Variants in OSBPL1A observed in about 807,000 individuals in gnomAD.
OSBPL1A encodes oxysterol binding protein like 1A.
Under a neutral mutation model 137.1 loss-of-function variants are expected in OSBPL1A, and 80 were observed. That is an observed-to-expected ratio of 0.58 (90% CI 0.49 to 0.70). The LOEUF (loss-of-function observed/expected upper bound fraction) is 0.70. OSBPL1A is among the 30% of genes least tolerant of loss of function. The pLI is 0.00. For missense variants in OSBPL1A, 970 were observed against 1,129.4 expected (o/e 0.86, Z 2.02); for synonymous variants, 365 against 389.7 (o/e 0.94, Z 0.75).
intron 15 of OSBPL1A, among the ~76,000 whole-genome samples, chr18:24,244,788 C>A (rs528428112): frequency 1.3e-5 from 2 of 152,202 alleles, no homozygotes; most frequent in African/African-American, 4.8e-5. Context: ...TAGCCAGCTA[C>A]GACACATTCA....
chr18:24,331,524 G>A lies in OSBPL1A; in HGVS notation c.625+1418C>T, dbSNP rs569721937. 7.4e-3 allele frequency among the ~76,000 whole-genome samples: 1,119 copies of A among 151,546 alleles called. 9 individuals are homozygous for A. The highest frequency in any genetic ancestry group is 0.014 in the Middle Eastern group (4 of 294). On this transcript the variant is annotated intron_variant, in intron 7 of 27. Coordinates refer to ENST00000319481, the MANE Select transcript of OSBPL1A (RefSeq NM_080597.4). ...CCATTCTCCTGCCTCAGCCTCCCGA[G>A]TAGCTGGGACTACAGGCGCCCGCCA...
At position 24,189,660 on chromosome 18, in the gene OSBPL1A, C is replaced by A. The variant is rs190270071; in HGVS notation, c.1677+6465G>T. 3.2e-3 allele frequency among the ~76,000 whole-genome samples: 480 copies of A among 152,340 alleles called. 1 individual carries two copies. Among genetic ancestry groups the A allele is most frequent in the African/African-American group, 0.011 (470 of 41,574 alleles). On this transcript the variant is annotated intron_variant, in intron 18 of 27. Transcript: ENST00000319481. ...CCCATCTCATGCTGCTCAGTTCCCC[C>A]CGCTCCACACGATGCCTAGCATCTC...
At chr18:24,393,495 T>C (rs1451365605) in intron 1 of OSBPL1A, among the ~76,000 whole-genome samples, 5 of 152,148 alleles carry the variant, frequency 3.3e-5, no homozygotes, top group Admixed American at 6.5e-5. Flanking sequence ...CTCTGTCGCC[T>C]AGGCTGGAGT....
chr18:24,274,755 A>C (rs2089807190), intron 15 of OSBPL1A, among the ~76,000 whole-genome samples: 1 of 151,992 alleles, frequency 6.6e-6, no homozygotes, highest in African/African-American at 2.4e-5. Context: ...TAAAATACAA[A>C]AAAATTAGCT....
At chr18:24,241,337 G>C (rs945423916) in intron 15 of OSBPL1A, among the ~76,000 whole-genome samples, 1 of 152,172 alleles carries the variant, frequency 6.6e-6, no homozygotes, top group Non-Finnish European at 1.5e-5. Flanking sequence ...AGAGTGAAGA[G>C]GCAACCTACA....
At chr18:24,196,252 G>GTTCTTCCCTCCTGCT in intron 17 of OSBPL1A, 52 bp from the exon 18 acceptor site, 2 of 1,301,578 alleles carry the variant, frequency 1.5e-6, no homozygotes, top group Non-Finnish European at 2.2e-6. Flanking sequence ...ATTGTCAGCA[G>GTTCTTCCCTCCTGCT]GAGGGAAGAA....
rs560905743 is a variant in OSBPL1A, at chr18:24,204,946, A to C, written c.1602-8746T>G. On this transcript the variant is annotated intron_variant, in intron 17 of 27. Coordinates refer to ENST00000319481, the MANE Select transcript of OSBPL1A (RefSeq NM_080597.4). ...AAAGTTCAGGCGTTTTTAAAAAAGC[A>C]ACACTTTCACAAATGCTGTGAAATC... is the stretch of plus-strand genomic sequence containing the variant. Among the ~76,000 whole-genome samples, 13 of 152,320 alleles carry C rather than the reference A, an allele frequency of 8.5e-5. No homozygotes were observed. The South Asian group carries it at 2.3e-3, about 27-fold the overall frequency.
chr18:24,313,923 G>A (rs2090671826), intron 12 of OSBPL1A, among the ~76,000 whole-genome samples: 1 of 151,190 alleles, frequency 6.6e-6, no homozygotes, highest in Non-Finnish European at 1.5e-5. Context: ...GCAATGTGGT[G>A]AAACCTTGTC....
chr18:24,371,952 C>T (rs1468783547), intron 2 of OSBPL1A, among the ~76,000 whole-genome samples: 2 of 152,096 alleles, frequency 1.3e-5, no homozygotes, highest in Non-Finnish European at 2.9e-5. Context: ...AATTTATTTT[C>T]CCCGACTATT....
chr18:24,269,354 T>C (rs1363726697), intron 15 of OSBPL1A, among the ~76,000 whole-genome samples: 1 of 152,236 alleles, frequency 6.6e-6, no homozygotes, highest in Non-Finnish European at 1.5e-5. Flanking sequence ...ATTCTTTCCC[T>C]TCCATTCCGG....
At chr18:24,167,290 CACAG>C (rs773651398) in intron 25 of OSBPL1A, 35 bp downstream of exon 25, 15 of 1,562,082 alleles carry the variant, frequency 9.6e-6, no homozygotes, top group Admixed American at 1.7e-5. Flanking sequence ...CAATGCTAAA[CACAG>C]ACAGTGAGGC....
chr18:24,168,015 A>T (rs187039149), intron 24 of OSBPL1A, among the ~76,000 whole-genome samples: 30 of 152,250 alleles, frequency 2.0e-4, no homozygotes, highest in Non-Finnish European at 4.0e-4. Flanking sequence ...TCCACATTTA[A>T]GTCATTATCA....
chr18:24,216,029 T>C (rs2087686663), intron 17 of OSBPL1A, among the ~76,000 whole-genome samples: 1 of 152,198 alleles, frequency 6.6e-6, no homozygotes, highest in South Asian at 2.1e-4. Context: ...TTACCTAAGA[T>C]ATTGAAAAAG....
chr18:24,285,894 T>C (rs1316554369), intron 14 of OSBPL1A, among the ~76,000 whole-genome samples: 2 of 152,172 alleles, frequency 1.3e-5, no homozygotes, highest in African/African-American at 4.8e-5. Flanking sequence ...CGGTGGTTGA[T>C]ACCTGTAATC....
chr18:24,315,776 TAAA>T (rs1276845329), intron 11 of OSBPL1A, among the ~76,000 whole-genome samples: 1 of 115,524 alleles, frequency 8.7e-6, no homozygotes, highest in South Asian at 2.3e-4. Context: ...TATTATATAA[TAAA>T]AAATATAATA....
At chr18:24,310,601 CA>C (rs751767943) in intron 13 of OSBPL1A, among the ~76,000 whole-genome samples, 44 of 53,014 alleles carry the variant, frequency 8.3e-4, no homozygotes, top group East Asian at 2.7e-3. Flanking sequence ...GACTCCGTCT[CA>C]AAAAAAAAAA....
intron 16 of OSBPL1A, among the ~76,000 whole-genome samples, chr18:24,238,909 C>G (rs1437314132): frequency 6.6e-6 from 1 of 152,134 alleles, no homozygotes; most frequent in African/African-American, 2.4e-5. Context: ...TAATGCCTGG[C>G]ACTAGGAAAT....
intron 1 of OSBPL1A, among the ~76,000 whole-genome samples, chr18:24,385,771 T>C (rs1906925080): frequency 6.6e-6 from 1 of 151,894 alleles, no homozygotes; most frequent in African/African-American, 2.4e-5. Flanking sequence ...GAGGAGTGAA[T>C]GGGGGATAAA....
rs2090715770 is a variant in OSBPL1A at position 24,315,778 on chromosome 18, AAAAATATAATAT to A, written c.870+1359_870+1370del. On this transcript the variant is annotated intron_variant, in intron 11 of 27. Coordinates refer to ENST00000319481, the MANE Select transcript of OSBPL1A (RefSeq NM_080597.4). The stretch of plus-strand genomic sequence containing the variant: ...AATATATAGTATATATTATATAATA[AAAAATATAATAT>A]AATATATAGTATATATTATATAATA... 1.6e-4 allele frequency among the ~76,000 whole-genome samples: 19 copies of A among 115,758 alleles called. No individual in the cohort carries two copies. The South Asian group carries it at 2.7e-3, about 17-fold the overall frequency. The allele number at this position is 115,758 out of a possible 152,430, so 75.9% of individuals were successfully genotyped here. A position where few individuals can be genotyped will look rare whatever the true frequency, so the allele number is the denominator to read the frequency against.
Sources: allele counts gnomAD v4.1 joint callset (sites outside exome capture counted in the v4.1 genomes callset), GRCh38; gene constraint gnomAD v4.1.1; transcripts MANE v1.5; gene names NCBI Gene and HGNC (gene_info 2026-07-23, HGNC 2026-07-21).